ESAM: variants seen among roughly 807,000 people sequenced by gnomAD.
ESAM encodes the protein endothelial cell adhesion molecule.
Under a neutral mutation model 31.8 loss-of-function variants are expected in ESAM, and 23 were observed. The observed-to-expected ratio is 0.72, with a 90% CI of 0.52 to 1.03. ESAM has a LOEUF of 1.03. ESAM is among the 50% of genes least tolerant of loss of function. The pLI, the probability that ESAM is intolerant of heterozygous loss-of-function variation, is 0.00. For synonymous variants in ESAM, 216 were observed against 207.2 expected, an observed-to-expected ratio of 1.04 and a Z score of -0.37; for missense variants, 478 against 488.9, an observed-to-expected ratio of 0.98 and a Z score of 0.21.
chr11:124,758,617 G>A, intron 1 of ESAM, 90 bp from the exon 2 acceptor site: 2 of 1,398,454 alleles, frequency 1.4e-6, no homozygotes, highest in Non-Finnish European at 1.9e-6. Context: ...AGAGAGCGAG[G>A]AAAGTCGCTT....
At chr11:124,760,646 C>A (rs1944218043) in intron 1 of ESAM, among the ~76,000 whole-genome samples, 1 of 152,228 alleles carries the variant, frequency 6.6e-6, no homozygotes, top group African/African-American at 2.4e-5. Flanking sequence ...GGCAACCCCC[C>A]AGGGGGACCG....
chr11:124,758,035 T>C lies in ESAM; in HGVS notation c.249+314A>G, dbSNP rs78846162. On this transcript the variant is annotated intron_variant, in intron 2 of 6. Transcript: ENST00000278927. ...AACTTTTATAAGTCGTGTGTGTTACTTCCCCTAAGCGTTTCCCAGTCCTCA... is the reference window on the plus strand; with the variant it reads ...AACTTTTATAAGTCGTGTGTGTTACCTCCCCTAAGCGTTTCCCAGTCCTCA... Among the ~76,000 whole-genome samples the C allele has an allele frequency of 1.5e-3, 229 of 152,274 alleles. 3 individuals are homozygous for C. Among genetic ancestry groups the C allele is most frequent in the African/African-American group, 5.2e-3 (218 of 41,558 alleles).
Position 124,758,451 on chromosome 11 carries a change from CA to C in ESAM, c.146del (p.Val49GlyfsTer23). 6.2e-7 allele frequency: 1 copy of C among 1,613,696 alleles called. No homozygotes were observed. The highest frequency in any genetic ancestry group is 8.5e-7 in the Non-Finnish European group (1 of 1,179,814). On this transcript the variant is annotated frameshift_variant, in exon 2 of 7. Coordinates refer to ENST00000278927, the MANE Select transcript of ESAM (RefSeq NM_138961.3). LOFTEE classifies it high-confidence loss of function. ...CGTGCAAGGTGTACCACGCTGGAAG[CA>C]CCACTTCCCCTCCCTCCACCGCCTG... ...RLQAVEGGEV[V>X]LPAWYTLHGE...
chr11:124,759,294 T>G lies in ESAM; in HGVS notation c.71-767A>C, dbSNP rs893797132. 1.3e-5 allele frequency: 2 copies of G among 152,248 alleles called. No homozygotes were observed. The highest frequency in any genetic ancestry group is 4.8e-5 in the African/African-American group (2 of 41,432). The allele number at this position is 152,248 out of a possible 1,614,324, so 9.4% of individuals were successfully genotyped here. ...ACAAGTATGAAGCCTCCCCTGAGTG[T>G]GTCCGGCGCTCAGGGGGTGGACCGG... On this transcript the variant is annotated intron_variant, in intron 1 of 6. Coordinates refer to ENST00000278927, the MANE Select transcript of ESAM (RefSeq NM_138961.3). The surrounding 1 kb of genome is among the most constrained non-coding windows in gnomAD (Gnocchi z 6.8).
intron 1 of ESAM, among the ~76,000 whole-genome samples, chr11:124,760,641 C>A (rs532107963): frequency 3.1e-4 from 47 of 152,350 alleles, no homozygotes; most frequent in African/African-American, 1.1e-3. Context: ...AACTGGGCAA[C>A]CCCCCAGGGG....
Position 124,762,128 on chromosome 11 carries a change from C to G in ESAM, c.27G>C (p.Val9=). 3 of 1,609,670 alleles carry G rather than the reference C, an allele frequency of 1.9e-6. No individual in the cohort carries two copies. The highest frequency in any genetic ancestry group is 2.5e-6 in the Non-Finnish European group (3 of 1,177,918). The change falls in exon 1 of 7, where the codon GTG becomes GTC. Residue 9 remains valine, a synonymous_variant. Coordinates refer to ENST00000278927, the MANE Select transcript of ESAM (RefSeq NM_138961.3). The surrounding 1 kb of genome is among the most constrained non-coding windows in gnomAD (Gnocchi z 6.4). ...GGAACAAAAACCGCAGCAAGTTGGT[C>G]ACCAGGGGCCCCGGGAGGGAAATCA... is the stretch of plus-strand genomic sequence containing the variant. MISLPGPL[V]TNLLRFLFLG...
Position 124,754,715 on chromosome 11 carries a change from G to A in ESAM, c.656C>T (p.Ala219Val), listed in dbSNP as rs904688053. Reference protein sequence around the residue: ...LSLTNLSSSMAGVYVCKAHNE... With the variant: ...LSLTNLSSSMVGVYVCKAHNE... ...GTGGGCCTTGCAGACATAGACTCCA[G>A]CCATGGAAGACGAAAGGTTGGTGAG... The change falls in exon 5 of 7, where the codon GCT becomes GTT. Residue 219 changes from alanine to valine, a missense_variant. By Grantham distance (64) the Ala-to-Val change is moderately conservative. Transcript: ENST00000278927. The surrounding 1 kb of genome is among the most constrained non-coding windows in gnomAD (Gnocchi z 4.5). The A allele has an allele frequency of 6.2e-7, 1 of 1,613,984 alleles. No individual in the cohort carries two copies. The highest frequency in any genetic ancestry group is 1.7e-5 in the Admixed American group (1 of 60,002).
rs1357840062 is a variant in ESAM, at chr11:124,756,947, G to A, written c.250-205C>T. 12 of 587,336 alleles carry A rather than the reference G, an allele frequency of 2.0e-5. 1 individual carries two copies. Among genetic ancestry groups the A allele is most frequent in the South Asian group, 2.0e-4 (10 of 49,974 alleles). 36.4% of individuals were successfully genotyped at this position (587,336 alleles called of 1,614,324 possible). Reference sequence around the variant, plus strand: ...GTCCTCTTCACCAGAACAGTTCTTCGTTCCTGCGCATTGTCTCATCTCCCA... The same window carrying A: ...GTCCTCTTCACCAGAACAGTTCTTCATTCCTGCGCATTGTCTCATCTCCCA... On this transcript the variant is annotated intron_variant, in intron 2 of 6. Transcript: ENST00000278927.
intron 1 of ESAM, among the ~76,000 whole-genome samples, chr11:124,760,194 G>T (rs1357956932): frequency 6.6e-6 from 1 of 152,242 alleles, no homozygotes; most frequent in Non-Finnish European, 1.5e-5. Context: ...GAACAGAAGA[G>T]GGCCTGAGGC....
At chr11:124,757,693 CTTTTTTT>C (rs5795429) in intron 2 of ESAM, among the ~76,000 whole-genome samples, 3 of 125,008 alleles carry the variant, frequency 2.4e-5, no homozygotes, top group Non-Finnish European at 5.0e-5. Flanking sequence ...AATATGCTAA[CTTTTTTT>C]TTTTTTTTTT....
At chr11:124,755,612 A>G (rs1009412938) in intron 4 of ESAM, among the ~76,000 whole-genome samples, 14 of 152,334 alleles carry the variant, frequency 9.2e-5, no homozygotes, top group African/African-American at 3.4e-4. Context: ...ATGAAAATCC[A>G]TATTCCCACA....
chr11:124,757,859 G>T (rs1944175160), intron 2 of ESAM, among the ~76,000 whole-genome samples: 1 of 151,942 alleles, frequency 6.6e-6, no homozygotes, highest in African/African-American at 2.4e-5. Flanking sequence ...CACCATGTCC[G>T]ACTAATTTTT....
At position 124,754,249 on chromosome 11, in the gene ESAM, C is replaced by CCGG. The variant is rs747786751; in HGVS notation, c.819_821dup (p.Arg274dup). 8 of 1,613,886 alleles carry CCGG rather than the reference C, an allele frequency of 5.0e-6. No individual in the cohort carries two copies. The East Asian group carries it at 1.3e-4, about 27-fold the overall frequency. The stretch of plus-strand genomic sequence containing the variant: ...TGGCTGGCTCCTCCAGGGCCTTGCC[C>CCGG]CGGCGGTGGTACAAGAGGACCAGCC... On this transcript the variant is annotated inframe_insertion, in exon 6 of 7. Coordinates refer to ENST00000278927, the MANE Select transcript of ESAM (RefSeq NM_138961.3). This position sits in a 1 kb window ranked among gnomAD's most constrained non-coding sequence, Gnocchi z 4.5.
chr11:124,762,060 C>A lies in ESAM; in HGVS notation c.70+25G>T. 6.2e-7 allele frequency: 1 copy of A among 1,603,604 alleles called. No homozygotes were observed. The highest frequency in any genetic ancestry group is 2.3e-5 in the East Asian group (1 of 43,702). ...CTCACCCCATCCCGCATCCCAAGTC[C>A]CCTCCAGGTCCGGGTTTCACTCACC... On this transcript the variant is annotated intron_variant, in intron 1 of 6. Transcript: ENST00000278927. This position sits in a 1 kb window ranked among gnomAD's most constrained non-coding sequence, Gnocchi z 6.4.
In ESAM at chr11:124,754,261, C is replaced by T; in HGVS notation, c.810G>A (p.Leu270=). 2 of 1,613,972 alleles carry T rather than the reference C, an allele frequency of 1.2e-6. No individual in the cohort carries two copies. Among genetic ancestry groups the T allele is most frequent in the Non-Finnish European group, 1.7e-6 (2 of 1,179,966 alleles). The change falls in exon 6 of 7, where the codon TTG becomes TTA. Residue 270 remains leucine, a synonymous_variant. Transcript: ENST00000278927. This position sits in a 1 kb window ranked among gnomAD's most constrained non-coding sequence, Gnocchi z 4.5. ...CCAGGGCCTTGCCCCGGCGGTGGTA[C>T]AAGAGGACCAGCCCAGCCAGCAACC... is the stretch of plus-strand genomic sequence containing the variant. ...GLGLLAGLVL[L]YHRRGKALEE...
intron 1 of ESAM, among the ~76,000 whole-genome samples, chr11:124,760,760 A>C (rs896982850): frequency 2.0e-5 from 3 of 152,266 alleles, no homozygotes; most frequent in African/African-American, 7.2e-5. Context: ...TGGGACACTC[A>C]GGCAGTCAAC....
chr11:124,757,708 T>C (rs1329463100), intron 2 of ESAM, among the ~76,000 whole-genome samples: 1 of 150,584 alleles, frequency 6.6e-6, no homozygotes, highest in Non-Finnish European at 1.5e-5. Flanking sequence ...TTTTTTTTTT[T>C]TTTTTTTGAG....
intron 1 of ESAM, among the ~76,000 whole-genome samples, chr11:124,760,656 G>A (rs1475578204): frequency 1.3e-5 from 2 of 152,222 alleles, no homozygotes; most frequent in Admixed American, 6.5e-5. Flanking sequence ...CAGGGGGACC[G>A]ATTGGAACTT....
At chr11:124,755,796 C>T (rs2134458198) in intron 4 of ESAM, among the ~76,000 whole-genome samples, 3 of 152,308 alleles carry the variant, frequency 2.0e-5, no homozygotes, top group African/African-American at 7.2e-5. Context: ...TATCTAAAAT[C>T]ATCGAATACT....
Sources: allele counts gnomAD v4.1 joint callset (sites outside exome capture counted in the v4.1 genomes callset), GRCh38; gene constraint gnomAD v4.1.1; non-coding constraint Gnocchi (gnomAD v3.1); transcripts MANE v1.5; gene names NCBI Gene and HGNC (gene_info 2026-07-23, HGNC 2026-07-21).